BDH1: variants seen among roughly 807,000 people sequenced by gnomAD.
BDH1 encodes 3-hydroxybutyrate dehydrogenase 1.
BDH1 carries 30 observed loss-of-function variants against 33.1 expected under a neutral mutation model. That is an observed-to-expected ratio of 0.91 (90% CI 0.68 to 1.23). The LOEUF is 1.23. Ranked by LOEUF, BDH1 falls within the 50% of genes most tolerant of loss-of-function variation. The pLI, the probability that BDH1 is intolerant of heterozygous loss-of-function variation, is 0.00. For missense variants in BDH1, 443 were observed against 464.4 expected (o/e 0.95, Z 0.42); for synonymous variants, 190 against 183.6 (o/e 1.03, Z -0.28).
chr3:197,555,934 G>T lies in BDH1; in HGVS notation c.-349C>A, dbSNP rs1296870948. On this transcript the variant is annotated 5_prime_UTR_variant, in exon 1 of 8. Transcript: ENST00000392379. ...TGGAAGCCCCTCCACCAGCACTCCT[G>T]CGGCCTGCGGCCTCCGCCACCCGGA... 6.6e-6 allele frequency: 1 copy of T among 152,266 alleles called. No homozygotes were observed. The highest frequency in any genetic ancestry group is 1.5e-5 in the Non-Finnish European group (1 of 68,060). 9.4% of individuals were successfully genotyped at this position (152,266 alleles called of 1,614,324 possible). A position where few individuals can be genotyped will look rare whatever the true frequency, so the allele number is the denominator to read the frequency against.
At chr3:197,564,126 T>C (rs1402419151) in intron 1 of BDH1, among the ~76,000 whole-genome samples, 1 of 143,454 alleles carries the variant, frequency 7.0e-6, no homozygotes, top group African/African-American at 2.6e-5. Context: ...AAGACAGTTA[T>C]AAAAATAAAG....
At chr3:197,553,390 G>A (rs1392566711) in intron 2 of BDH1, among the ~76,000 whole-genome samples, 1 of 151,158 alleles carries the variant, frequency 6.6e-6, no homozygotes, top group African/African-American at 2.4e-5. Context: ...TTAGCTGGGT[G>A]TGGTCGCTCG....
rs1714075367 is a variant in BDH1 at position 197,526,153 on chromosome 3, A to C, written c.268-3372T>G. 6.6e-6 allele frequency among the ~76,000 whole-genome samples: 1 copy of C among 152,182 alleles called. No homozygotes were observed. Among genetic ancestry groups the C allele is most frequent in the Admixed American group, 6.5e-5 (1 of 15,278 alleles). Reference sequence around the variant, plus strand: ...GGACAGAGAGCCTCTTTGTTTTGGCATGAAGAGTCCTGTTCAGTCTCTTAA... The same window carrying C: ...GGACAGAGAGCCTCTTTGTTTTGGCCTGAAGAGTCCTGTTCAGTCTCTTAA... On this transcript the variant is annotated intron_variant, in intron 5 of 7. Coordinates refer to ENST00000392379, the MANE Select transcript of BDH1 (RefSeq NM_203314.3). The surrounding 1 kb of genome is among the most constrained non-coding windows in gnomAD (Gnocchi z 4.7).
At chr3:197,547,298 G>A (rs925375393) in intron 2 of BDH1, among the ~76,000 whole-genome samples, 6 of 152,208 alleles carry the variant, frequency 3.9e-5, no homozygotes, top group Admixed American at 6.5e-5. Context: ...GGGAAGGAAG[G>A]CGGGCTGGTA....
intron 3 of BDH1, among the ~76,000 whole-genome samples, chr3:197,535,356 C>T (rs1715057625): frequency 1.3e-5 from 2 of 152,202 alleles, no homozygotes; most frequent in Non-Finnish European, 2.9e-5. Context: ...TTTCTCCTAG[C>T]CTATGACGTG....
chr3:197,539,652 T>G (rs1715433328), intron 3 of BDH1, among the ~76,000 whole-genome samples: 1 of 152,216 alleles, frequency 6.6e-6, no homozygotes, highest in African/African-American at 2.4e-5. Context: ...TTGCAGACCC[T>G]GCACTGGATG....
At chr3:197,543,284 T>A (rs558156693) in intron 3 of BDH1, 48 of 610,364 alleles carry the variant, frequency 7.9e-5, no homozygotes, top group Non-Finnish European at 7.0e-5. Flanking sequence ...GAATCCCGCA[T>A]GTGATGTGGC....
chr3:197,532,556 C>T lies in BDH1; in HGVS notation c.157-34G>A, dbSNP rs747869623. 9 of 1,557,830 alleles carry T rather than the reference C, an allele frequency of 5.8e-6. No individual in the cohort carries two copies. In the South Asian group the frequency reaches 6.7e-5, roughly 12 times the overall value. Reference sequence around the variant, plus strand: ...CAAGGTCAGATTCCATGTTAGGAACCGGTGGTACAGGGGCAAAGTGACCAG... The same window carrying T: ...CAAGGTCAGATTCCATGTTAGGAACTGGTGGTACAGGGGCAAAGTGACCAG... On this transcript the variant is annotated intron_variant, in intron 4 of 7. Coordinates refer to ENST00000392379, the MANE Select transcript of BDH1 (RefSeq NM_203314.3).
At chr3:197,538,595 G>C in intron 3 of BDH1, 1 of 299,564 alleles carries the variant, frequency 3.3e-6, no homozygotes, top group Non-Finnish European at 6.6e-6. Context: ...CAGGTGATCC[G>C]CCTGCCTCGG....
At chr3:197,565,773 T>G (rs1225570620) in intron 1 of BDH1, among the ~76,000 whole-genome samples, 1 of 152,198 alleles carries the variant, frequency 6.6e-6, no homozygotes, top group Admixed American at 6.5e-5. Context: ...TTGGTCCTCC[T>G]TAGAAAGTGG....
At chr3:197,527,400 G>T (rs940311442) in intron 5 of BDH1, among the ~76,000 whole-genome samples, 1 of 152,134 alleles carries the variant, frequency 6.6e-6, no homozygotes, top group Admixed American at 6.5e-5. Flanking sequence ...ATAAAAGCTG[G>T]GTCAGAGGCA....
At chr3:197,517,252 C>G (rs560003798) in intron 6 of BDH1, among the ~76,000 whole-genome samples, 1 of 128,490 alleles carries the variant, frequency 7.8e-6, no homozygotes, top group African/African-American at 2.9e-5. Context: ...GGCCGACCCC[C>G]GCATCAGTCA....
upstream of BDH1, among the ~76,000 whole-genome samples, chr3:197,558,877 T>C (rs1443512374): frequency 6.6e-6 from 1 of 152,240 alleles, no homozygotes; most frequent in African/African-American, 2.4e-5. Context: ...CGTATCTTCA[T>C]GGATCTCCAT....
At chr3:197,563,183 A>G (rs879108488) in intron 1 of BDH1, among the ~76,000 whole-genome samples, 1 of 152,218 alleles carries the variant, frequency 6.6e-6, no homozygotes, top group Admixed American at 6.5e-5. Flanking sequence ...ATAGATGTCT[A>G]TAATTTTATG....
At chr3:197,515,919 CGCG>C (rs1712672877) in intron 6 of BDH1, 1 of 156,036 alleles carries the variant, frequency 6.4e-6, no homozygotes, top group Admixed American at 6.5e-5. Flanking sequence ...CACACACGCG[CGCG>C]CGCGCGCTCT....
rs763992539 is a variant in BDH1 at position 197,522,820 on chromosome 3, C to T, written c.268-39G>A. ...AAGAGCTGCTTCTACCTCCTTCCTT[C>T]CCACCCTGAGGCAGACCCTGAGGAC... On this transcript the variant is annotated intron_variant, in intron 5 of 7. Transcript: ENST00000392379. This position sits in a 1 kb window ranked among gnomAD's most constrained non-coding sequence, Gnocchi z 4.8. 72 of 1,606,960 alleles carry T rather than the reference C, an allele frequency of 4.5e-5. No homozygotes were observed. The highest frequency in any genetic ancestry group is 2.9e-4 in the Admixed American group (17 of 59,568).
At chr3:197,566,906 C>T (rs1246061994) in intron 1 of BDH1, among the ~76,000 whole-genome samples, 1 of 152,152 alleles carries the variant, frequency 6.6e-6, no homozygotes, top group African/African-American at 2.4e-5. Context: ...TAAAGCCCCA[C>T]AAACTGAAGC....
At chr3:197,515,648 C>A in intron 6 of BDH1, 1 of 985,562 alleles carries the variant, frequency 1.0e-6, no homozygotes, top group Non-Finnish European at 1.2e-6. Context: ...GAATGAGTGT[C>A]CACAAATACC....
At chr3:197,548,576 C>T (rs1399760319) in intron 2 of BDH1, among the ~76,000 whole-genome samples, 1 of 151,984 alleles carries the variant, frequency 6.6e-6, no homozygotes, top group African/African-American at 2.4e-5. Flanking sequence ...CTTGGCCAGG[C>T]GTGGTGGCTC....
Sources: gnomAD v4.1 joint callset for allele counts (sites outside exome capture counted in the v4.1 genomes callset) on GRCh38, gnomAD v4.1.1 for gene constraint, Gnocchi (gnomAD v3.1) non-coding constraint, MANE v1.5 for transcripts, NCBI Gene and HGNC (gene_info 2026-07-23, HGNC 2026-07-21) for gene names.